BRINP1: variants seen among roughly 807,000 people sequenced by gnomAD.
BRINP1 encodes BMP/retinoic acid inducible neural specific 1.
A neutral mutation model predicts 72.9 loss-of-function variants in BRINP1; 17 were observed. The observed-to-expected ratio is 0.23, with a 90% CI of 0.16 to 0.35. The LOEUF (loss-of-function observed/expected upper bound fraction) is 0.35, where lower values mean the gene tolerates loss of function less well. BRINP1 is among the 10% of genes least tolerant of loss of function. The probability of loss-of-function intolerance (pLI) is 1.00; values close to 1 mark genes in which losing one functional copy is unlikely to be tolerated. For synonymous variants in BRINP1, 418 were observed against 378.5 expected (o/e 1.10, Z -1.21); for missense variants, 850 against 1,001.6 (o/e 0.85, Z 2.04).
chr9:119,327,580 A>G (rs1458742262), intron 1 of BRINP1, among the ~76,000 whole-genome samples: 1 of 152,176 alleles, frequency 6.6e-6, no homozygotes, highest in Non-Finnish European at 1.5e-5. Flanking sequence ...GGAGAGATTT[A>G]AGGTAGGATG....
chr9:119,279,235 C>T (rs1236806524), intron 2 of BRINP1, among the ~76,000 whole-genome samples: 2 of 152,252 alleles, frequency 1.3e-5, no homozygotes, highest in Non-Finnish European at 2.9e-5. Context: ...AAACAAACAT[C>T]ACCTAATGGA....
intron 2 of BRINP1, among the ~76,000 whole-genome samples, chr9:119,304,312 C>A (rs2118986893): frequency 6.6e-6 from 1 of 152,304 alleles, no homozygotes; most frequent in African/African-American, 2.4e-5. Flanking sequence ...TAGTAAGTGG[C>A]AGAACCAGGA....
intron 7 of BRINP1, among the ~76,000 whole-genome samples, chr9:119,202,208 G>A (rs1418432068): frequency 2.6e-5 from 4 of 152,130 alleles, no homozygotes; most frequent in East Asian, 1.9e-4. Flanking sequence ...ATAAATTAGC[G>A]CTACTTCATA....
chr9:119,225,176 T>G (rs1011051796), intron 5 of BRINP1, among the ~76,000 whole-genome samples: 3 of 152,032 alleles, frequency 2.0e-5, no homozygotes, highest in African/African-American at 7.2e-5. Flanking sequence ...ATGTAGTATA[T>G]GTATACAATG....
In BRINP1 at chr9:119,249,270, T is replaced by C. The variant is rs947772975; in HGVS notation, c.219-120A>G. On this transcript the variant is annotated intron_variant, in intron 2 of 7. Coordinates refer to ENST00000265922, the MANE Select transcript of BRINP1 (RefSeq NM_014618.3). ...TGGGAAAGTGCCTACAATTTTAATATGTGTCAAGTGATGCTTTGATCTGGA... is the reference window on the plus strand; with the variant it reads ...TGGGAAAGTGCCTACAATTTTAATACGTGTCAAGTGATGCTTTGATCTGGA... The C allele has an allele frequency of 1.1e-5, 9 of 846,498 alleles. No homozygotes were observed. In the African/African-American group the frequency reaches 1.5e-4, roughly 14 times the overall value. 52.4% of individuals were successfully genotyped at this position (846,498 alleles called of 1,614,324 possible). A position where few individuals can be genotyped will look rare whatever the true frequency, so the allele number is the denominator to read the frequency against.
chr9:119,226,926 C>T lies in BRINP1; in HGVS notation c.685+11729G>A, dbSNP rs186055044. On this transcript the variant is annotated intron_variant, in intron 5 of 7. Transcript: ENST00000265922. ...TATGTAGAGTTTAAGAATACCAGCA[C>T]TGAGTGGATCTGGGTTCAAATTCCT... is the stretch of plus-strand genomic sequence containing the variant. Among the ~76,000 whole-genome samples the T allele has an allele frequency of 3.9e-5, 6 of 152,014 alleles. No homozygotes were observed. The East Asian group carries it at 1.2e-3, about 30-fold the overall frequency.
At chr9:119,185,574 A>C (rs1829607997) in intron 7 of BRINP1, among the ~76,000 whole-genome samples, 1 of 152,346 alleles carries the variant, frequency 6.6e-6, no homozygotes, top group South Asian at 2.1e-4. Flanking sequence ...AATTTTGACT[A>C]AAGTGACTAA....
intron 7 of BRINP1, among the ~76,000 whole-genome samples, chr9:119,198,721 G>C (rs192959063): frequency 2.0e-5 from 3 of 150,574 alleles, no homozygotes; most frequent in African/African-American, 7.3e-5. Context: ...GCCCAGGCTT[G>C]AGTGTAGTAG....
chr9:119,237,191 A>T (rs1830199933), intron 5 of BRINP1, among the ~76,000 whole-genome samples: 1 of 152,102 alleles, frequency 6.6e-6, no homozygotes, highest in African/African-American at 2.4e-5. Context: ...TAGTCTGCTC[A>T]AAGTTAAAGC....
chr9:119,258,111 C>A (rs530855946), intron 2 of BRINP1, among the ~76,000 whole-genome samples: 3 of 152,256 alleles, frequency 2.0e-5, no homozygotes, highest in Admixed American at 6.5e-5. Context: ...ATAATGTGTA[C>A]AGAGGTCTAT....
intron 7 of BRINP1, among the ~76,000 whole-genome samples, chr9:119,200,936 A>G (rs1332450): frequency 0.83 from 125,362 of 151,944 alleles, 51,975 homozygotes; most frequent in Middle Eastern, 0.91. Flanking sequence ...GTGGAATTAG[A>G]CATTTAGTTA....
intron 7 of BRINP1, among the ~76,000 whole-genome samples, chr9:119,199,340 A>G (rs1034657115): frequency 6.6e-6 from 1 of 152,212 alleles, no homozygotes; most frequent in Non-Finnish European, 1.5e-5. Flanking sequence ...ATCAGAATAG[A>G]GATAACGATT....
At chr9:119,218,143 A>C (rs1829999151) in intron 5 of BRINP1, among the ~76,000 whole-genome samples, 2 of 151,836 alleles carry the variant, frequency 1.3e-5, no homozygotes, top group Admixed American at 1.3e-4. Context: ...GGGCCCCCAG[A>C]GTATAAACTA....
chr9:119,255,983 A>AAAAAC (rs1830444044), intron 2 of BRINP1, among the ~76,000 whole-genome samples: 10 of 125,290 alleles, frequency 8.0e-5, no homozygotes, highest in African/African-American at 2.8e-4. Flanking sequence ...AAAAAAAAAA[A>AAAAAC]CACGAGACAG....
At position 119,368,738 on chromosome 9, in the gene BRINP1, C is replaced by T. The variant is rs1437077475; in HGVS notation, c.-51+318G>A. 6.6e-6 allele frequency among the ~76,000 whole-genome samples: 1 copy of T among 152,166 alleles called. No individual in the cohort carries two copies. Among genetic ancestry groups the T allele is most frequent in the Admixed American group, 6.5e-5 (1 of 15,280 alleles). On this transcript the variant is annotated intron_variant, in intron 1 of 7. Transcript: ENST00000265922. This position sits in a 1 kb window ranked among gnomAD's most constrained non-coding sequence, Gnocchi z 4.7. ...GACACACACACACACCACGAACACA[C>T]GCATCAAACGCAAACGACGCCGCAC...
Position 119,167,529 on chromosome 9 carries a change from G to A in BRINP1, c.1841C>T (p.Thr614Met), listed in dbSNP as rs1829331072. The A allele has an allele frequency of 1.2e-6, 2 of 1,614,128 alleles. No homozygotes were observed. The highest frequency in any genetic ancestry group is 1.7e-6 in the Non-Finnish European group (2 of 1,180,016). Residue 614 changes from threonine (T) to methionine (M), a missense_variant, in exon 8 of 8, where the codon ACG becomes ATG. Transcript: ENST00000265922. The surrounding 1 kb of genome is among the most constrained non-coding windows in gnomAD (Gnocchi z 4.3). ...CCGACTACGTAGGTAGATGTGGACC[G>A]TCTCGAAAAATGTTTTCCACCGATT... ...LGNRWKTFFE[T>M]VHIYLRSRTR...
chr9:119,294,957 TC>T (rs1332083186), intron 2 of BRINP1, among the ~76,000 whole-genome samples: 3 of 135,748 alleles, frequency 2.2e-5, no homozygotes, highest in African/African-American at 8.7e-5. Flanking sequence ...GATCTACATA[TC>T]CAATGCAATC....
In BRINP1 at chr9:119,167,337, T is replaced by C. The variant is rs1157896411; in HGVS notation, c.2033A>G (p.Gln678Arg). 1.2e-6 allele frequency: 2 copies of C among 1,614,128 alleles called. No homozygotes were observed. Among genetic ancestry groups the C allele is most frequent in the Admixed American group, 3.3e-5 (2 of 60,020 alleles). ...LLRSAVQQVN[Q>R]SYTQGGQFYS... Reference sequence around the variant, plus strand: ...GAACTGGCCGCCCTGTGTGTAGGACTGGTTGACCTGCTGCACTGCACTGCG... The same window carrying C: ...GAACTGGCCGCCCTGTGTGTAGGACCGGTTGACCTGCTGCACTGCACTGCG... Residue 678 changes from glutamine (Q) to arginine (R), a missense_variant, in exon 8 of 8, where the codon CAG (glutamine) becomes CGG (arginine). Physicochemically the swap from Gln to Arg is conservative, Grantham distance 43 (BLOSUM62 1). Coordinates refer to ENST00000265922, the MANE Select transcript of BRINP1 (RefSeq NM_014618.3). The surrounding 1 kb of genome is among the most constrained non-coding windows in gnomAD (Gnocchi z 4.3).
chr9:119,206,975 A>G (rs1326857645), intron 7 of BRINP1, among the ~76,000 whole-genome samples: 2 of 152,230 alleles, frequency 1.3e-5, no homozygotes, highest in Non-Finnish European at 2.9e-5. Context: ...CAATATAATT[A>G]TCACAAGCTA....
Sources: gnomAD v4.1 joint callset for allele counts (sites outside exome capture counted in the v4.1 genomes callset) on GRCh38, gnomAD v4.1.1 for gene constraint, Gnocchi (gnomAD v3.1) non-coding constraint, MANE v1.5 for transcripts, NCBI Gene and HGNC (gene_info 2026-07-23, HGNC 2026-07-21) for gene names.